The following TANC1 variants were observed in gnomAD, a reference collection of about 807,000 sequenced individuals.
TANC1 encodes the protein protein TANC1.
TANC1 carries 77 observed loss-of-function variants against 149.7 expected under a neutral mutation model. The observed-to-expected ratio is 0.51, with a 90% CI of 0.43 to 0.62. The LOEUF is 0.62. Ranked by LOEUF, TANC1 falls within the 20% of genes least tolerant of loss-of-function variation. The pLI is 0.00. For missense variants in TANC1, 1,985 were observed against 2,321.8 expected (o/e 0.85, Z 2.98); for synonymous variants, 854 against 925.0 (o/e 0.92, Z 1.39).
At chr2:159,216,263 G>A (rs965286636) in intron 19 of TANC1, among the ~76,000 whole-genome samples, 1 of 152,182 alleles carries the variant, frequency 6.6e-6, no homozygotes, top group African/African-American at 2.4e-5. Flanking sequence ...TGAGAGGTCT[G>A]TCTGCCTGAC....
rs192437183 is a variant in TANC1 at position 159,138,709 on chromosome 2, C to T, written c.364+2411C>T. The stretch of plus-strand genomic sequence containing the variant: ...GACATTCTTGTTTAAGTTTCTAAGA[C>T]GCTTTTCTGGGTGCTGTCAATAATA... On this transcript the variant is annotated intron_variant, in intron 5 of 26. Coordinates refer to ENST00000263635, the MANE Select transcript of TANC1 (RefSeq NM_033394.3). Among the ~76,000 whole-genome samples, 501 of 152,272 alleles carry T rather than the reference C, an allele frequency of 3.3e-3. 4 individuals carry two copies. Among genetic ancestry groups the T allele is most frequent in the African/African-American group, 0.011 (450 of 41,560 alleles).
chr2:159,136,252 A>G lies in TANC1; in HGVS notation c.318A>G (p.Ile106Met). Residue 106 changes from isoleucine (I) to methionine (M), a missense_variant, in exon 5 of 27, where the codon ATA becomes ATG. This residue lies in a region of TANC1 where 557 missense variants were observed against 612.9 expected (regional missense o/e 0.91). Transcript: ENST00000263635. ...ESPRVPGDAV[I>M]MPFREVAKPT... is the part of the protein sequence containing the mutation. Reference sequence around the variant, plus strand: ...CCAGAGTGCCTGGAGATGCAGTTATAATGCCATTCAGAGAAGTAGCCAAGC... The same window carrying G: ...CCAGAGTGCCTGGAGATGCAGTTATGATGCCATTCAGAGAAGTAGCCAAGC... The G allele has an allele frequency of 6.2e-7, 1 of 1,613,572 alleles. No homozygotes were observed. Among genetic ancestry groups the G allele is most frequent in the African/African-American group, 1.3e-5 (1 of 75,018 alleles).
At chr2:159,052,365 G>A (rs1199354939) in intron 2 of TANC1, among the ~76,000 whole-genome samples, 1 of 152,144 alleles carries the variant, frequency 6.6e-6, no homozygotes, top group Admixed American at 6.5e-5. Context: ...AATGAATCAT[G>A]GGACTTGCCT....
intron 2 of TANC1, among the ~76,000 whole-genome samples, chr2:159,049,090 T>A (rs1408449195): frequency 6.6e-6 from 1 of 152,220 alleles, no homozygotes; most frequent in Admixed American, 6.5e-5. Context: ...TCTTCATAGG[T>A]CTCCCTCTTC....
intron 2 of TANC1, chr2:159,003,887 A>G: frequency 2.5e-6 from 4 of 1,612,862 alleles, no homozygotes; most frequent in Non-Finnish European, 3.4e-6. Flanking sequence ...TCAGGTCCAG[A>G]TAGGGGGCAA....
chr2:159,097,692 C>T lies in TANC1; in HGVS notation c.117C>T (p.Asp39=), dbSNP rs2046274376. 1 of 1,614,102 alleles carries T rather than the reference C, an allele frequency of 6.2e-7. No homozygotes were observed. Among genetic ancestry groups the T allele is most frequent in the Non-Finnish European group, 8.5e-7 (1 of 1,180,042 alleles). Residue 39 remains aspartate, a synonymous_variant, in exon 4 of 27, where the codon GAC becomes GAT. Coordinates refer to ENST00000263635, the MANE Select transcript of TANC1 (RefSeq NM_033394.3). ...SPVLHLDHSA[D]SPVSSLPTAE... ...TCCTGCACCTTGACCACAGTGCTGACTCTCCTGTGAGCAGTCTTCCCACAG... is the reference window on the plus strand; with the variant it reads ...TCCTGCACCTTGACCACAGTGCTGATTCTCCTGTGAGCAGTCTTCCCACAG...
At chr2:158,984,199 T>C (rs921919577) in intron 1 of TANC1, among the ~76,000 whole-genome samples, 4 of 152,238 alleles carry the variant, frequency 2.6e-5, no homozygotes, top group Admixed American at 6.5e-5. Context: ...CTTTCTGAAA[T>C]GTTTTGCTTC....
chr2:159,036,019 G>A (rs1029392445), intron 2 of TANC1, among the ~76,000 whole-genome samples: 1 of 152,200 alleles, frequency 6.6e-6, no homozygotes, highest in Admixed American at 6.5e-5. Flanking sequence ...GCTGTGATGG[G>A]TATTCTTTTA....
At chr2:159,160,334 A>C (rs1225636073) in intron 7 of TANC1, among the ~76,000 whole-genome samples, 1 of 151,898 alleles carries the variant, frequency 6.6e-6, no homozygotes, top group East Asian at 1.9e-4. Flanking sequence ...CACTTTTTAG[A>C]GATTTTTTTT....
chr2:159,136,357 A>G (rs2050748750), intron 5 of TANC1, 59 bp downstream of exon 5: 1 of 990,356 alleles, frequency 1.0e-6, no homozygotes, highest in Non-Finnish European at 1.6e-6. Context: ...ATGACACTTC[A>G]TTTCTGAATG....
intron 16 of TANC1, among the ~76,000 whole-genome samples, chr2:159,189,443 T>G (rs1427951490): frequency 6.6e-6 from 1 of 152,234 alleles, no homozygotes. Flanking sequence ...ACCTGAGTTC[T>G]TGTCGTTTCT....
In TANC1 at chr2:159,232,266, A is replaced by G. The variant is rs1426533953; in HGVS notation, c.*1254A>G. ...TATTTTTATATGAAAATGGTGTGTT[A>G]TTGGAAGATGTTAAAATGCTAATTT... On this transcript the variant is annotated 3_prime_UTR_variant, in exon 27 of 27. Transcript: ENST00000263635. 1 of 152,654 alleles carries G rather than the reference A, an allele frequency of 6.6e-6. No individual in the cohort carries two copies. 9.5% of individuals were successfully genotyped at this position (152,654 alleles called of 1,614,324 possible). A position where few individuals can be genotyped will look rare whatever the true frequency, so the allele number is the denominator to read the frequency against.
At chr2:159,028,902 T>G (rs2039562512) in intron 2 of TANC1, among the ~76,000 whole-genome samples, 3 of 152,198 alleles carry the variant, frequency 2.0e-5, no homozygotes, top group African/African-American at 2.4e-5. Context: ...TATAGGCATG[T>G]GCTGCTATAC....
At chr2:159,062,521 C>A (rs2042304627) in intron 2 of TANC1, among the ~76,000 whole-genome samples, 1 of 152,132 alleles carries the variant, frequency 6.6e-6, no homozygotes, top group Non-Finnish European at 1.5e-5. Context: ...TGTGATGATG[C>A]AGAAGAGGAG....
At chr2:159,031,849 C>T (rs2039807244) in intron 2 of TANC1, among the ~76,000 whole-genome samples, 1 of 152,180 alleles carries the variant, frequency 6.6e-6, no homozygotes, top group South Asian at 2.1e-4. Flanking sequence ...GAATTTATTC[C>T]TTGGCTCTGT....
chr2:159,181,253 A>G (rs890597593), intron 14 of TANC1, among the ~76,000 whole-genome samples: 2 of 151,592 alleles, frequency 1.3e-5, no homozygotes, highest in African/African-American at 4.8e-5. Context: ...CAAAACTCCT[A>G]GGAGGCAAAT....
In TANC1 at chr2:159,063,455, G is replaced by A. The variant is rs61652424; in HGVS notation, c.-15-2441G>A. ...AGGCCAGAGACGATTGAAACTTCCA[G>A]GTGACTTTGTATAGCTCCACTCTGA... is the stretch of plus-strand genomic sequence containing the variant. On this transcript the variant is annotated intron_variant, in intron 2 of 26. Coordinates refer to ENST00000263635, the MANE Select transcript of TANC1 (RefSeq NM_033394.3). 6.9e-3 allele frequency among the ~76,000 whole-genome samples: 1,053 copies of A among 152,228 alleles called. 8 individuals are homozygous for A. Among genetic ancestry groups the A allele is most frequent in the African/African-American group, 0.024 (981 of 41,518 alleles).
chr2:159,123,911 G>C (rs913921194), intron 4 of TANC1, among the ~76,000 whole-genome samples: 4 of 152,148 alleles, frequency 2.6e-5, no homozygotes, highest in Admixed American at 6.6e-5. Context: ...CTCAGGTACA[G>C]CTCAATCGCT....
chr2:159,187,104 T>C, intron 16 of TANC1, 80 bp downstream of exon 16: 1 of 1,553,042 alleles, frequency 6.4e-7, no homozygotes, highest in Non-Finnish European at 8.7e-7. Context: ...CCTGTTTCCC[T>C]CTGCCCTGGG....
Sources: gnomAD v4.1 joint callset for allele counts (sites outside exome capture counted in the v4.1 genomes callset) on GRCh38, gnomAD v4.1.1 for gene constraint, gnomAD v4.1.1 regional missense constraint, MANE v1.5 for transcripts, NCBI Gene and HGNC (gene_info 2026-07-23, HGNC 2026-07-21) for gene names.